Variants in WDFY3 observed in about 807,000 individuals in gnomAD.
The protein encoded by WDFY3 is WD repeat and FYVE domain containing 3, also known as WD repeat and FYVE domain-containing protein 3.
In WDFY3, 66 loss-of-function variants were observed where a neutral mutation model predicts 409.6. That is an observed-to-expected ratio of 0.16 (90% CI 0.13 to 0.20). The LOEUF (loss-of-function observed/expected upper bound fraction) is 0.20, where lower values mean the gene tolerates loss of function less well. Among genes scored for constraint, WDFY3 ranks in the 10% least tolerant of loss-of-function variants. The pLI, the probability that WDFY3 is intolerant of heterozygous loss-of-function variation, is 1.00. For missense variants in WDFY3, 3,031 were observed against 4,298.1 expected, an observed-to-expected ratio of 0.71 and a Z score of 8.24; for synonymous variants, 1,521 against 1,537.1, an observed-to-expected ratio of 0.99 and a Z score of 0.25.
At position 84,679,023 on chromosome 4, in the gene WDFY3, A is replaced by G. The variant is rs751629717; in HGVS notation, c.10043T>C (p.Phe3348Ser). The change falls in exon 65 of 68, where the codon TTT (phenylalanine) becomes TCT (serine). Residue 3348 changes from phenylalanine (F) to serine (S), a missense_variant. Coordinates refer to ENST00000295888, the MANE Select transcript of WDFY3 (RefSeq NM_014991.6). ...LSLDEKDGFI[F>S]VNYSEGQTRA... is the part of the protein sequence containing the mutation. ...GGTCTGGCCCTCTGAATAGTTCACA[A>G]ATATGAAGCCGTCTTTCTCATCTAG... 7 of 1,614,228 alleles carry G rather than the reference A, an allele frequency of 4.3e-6. No homozygotes were observed. The highest frequency in any genetic ancestry group is 5.9e-6 in the Non-Finnish European group (7 of 1,180,042).
intron 64 of WDFY3, among the ~76,000 whole-genome samples, chr4:84,681,309 G>A (rs774656468): frequency 2.9e-4 from 44 of 152,040 alleles, no homozygotes; most frequent in Non-Finnish European, 5.4e-4. Context: ...GCTTTTTAAG[G>A]GAAAGGAAAA....
chr4:84,917,133 G>A (rs115074970), intron 2 of WDFY3, among the ~76,000 whole-genome samples: 1,948 of 152,172 alleles, frequency 0.013, 20 homozygotes, highest in Non-Finnish European at 0.017. Context: ...ATCAATCGGC[G>A]CCAAGCCCTC....
chr4:84,777,199 C>G (rs571609507), intron 27 of WDFY3, among the ~76,000 whole-genome samples: 1 of 152,068 alleles, frequency 6.6e-6, no homozygotes, highest in East Asian at 1.9e-4. Flanking sequence ...GTTGGTGGGA[C>G]AGTGCTGACT....
chr4:84,755,164 A>C (rs1741223280), intron 34 of WDFY3, 102 bp downstream of exon 34: 1 of 1,483,262 alleles, frequency 6.7e-7, no homozygotes, highest in Non-Finnish European at 9.1e-7. Context: ...GAGATCATGC[A>C]GTAAATAAAG....
At chr4:84,850,812 A>C (rs1758810894) in intron 4 of WDFY3, among the ~76,000 whole-genome samples, 1 of 152,054 alleles carries the variant, frequency 6.6e-6, no homozygotes, top group African/African-American at 2.4e-5. Context: ...CAAGGCTGTT[A>C]CCAAAAAAAC....
intron 3 of WDFY3, among the ~76,000 whole-genome samples, chr4:84,868,428 G>T (rs1342161410): frequency 2.0e-5 from 3 of 151,922 alleles, no homozygotes; most frequent in Admixed American, 6.6e-5. Context: ...TCCTGAATTA[G>T]AATTTAAAAT....
rs780582990 is a variant in WDFY3 at position 84,787,584 on chromosome 4, G to A, written c.3799C>T (p.Pro1267Ser). The A allele has an allele frequency of 3.1e-6, 5 of 1,614,130 alleles. No homozygotes were observed. In the Admixed American group the frequency reaches 8.3e-5, roughly 27 times the overall value. The change falls in exon 23 of 68, where the codon CCC becomes TCC. Residue 1267 changes from proline (P) to serine (S), a missense_variant. Coordinates refer to ENST00000295888, the MANE Select transcript of WDFY3 (RefSeq NM_014991.6). Reference protein sequence around the residue: ...QIASLVWRLGPTHFLEEVLPS... With the variant: ...QIASLVWRLGSTHFLEEVLPS... ...AAAACTTCTTCTAGAAAATGTGTGG[G>A]TCCCAGGCGCCAAACCAATGAGGCA...
At position 84,782,959 on chromosome 4, in the gene WDFY3, T is replaced by C. The variant is rs1304358124; in HGVS notation, c.4174+4A>G. The C allele has an allele frequency of 1.9e-6, 3 of 1,610,380 alleles. No homozygotes were observed. Among genetic ancestry groups the C allele is most frequent in the Non-Finnish European group, 2.5e-6 (3 of 1,179,108 alleles). ...TTTGAAACAACAAAGATAAGTCCAC[T>C]CACCCAAGTATCCAATCAGAGCGGC... On this transcript the variant is annotated splice_donor_region_variant and intron_variant, in intron 25 of 67. Coordinates refer to ENST00000295888, the MANE Select transcript of WDFY3 (RefSeq NM_014991.6).
chr4:84,718,733 A>G (rs1485063824), intron 47 of WDFY3, among the ~76,000 whole-genome samples, 163 bp from the exon 48 acceptor site: 1 of 152,218 alleles, frequency 6.6e-6, no homozygotes, highest in Non-Finnish European at 1.5e-5. Flanking sequence ...TGACTAGAGT[A>G]AAACTAAACA....
At chr4:84,839,959 T>C (rs555249150) in intron 6 of WDFY3, among the ~76,000 whole-genome samples, 2 of 152,118 alleles carry the variant, frequency 1.3e-5, no homozygotes, top group Admixed American at 6.5e-5. Context: ...GATAATTACT[T>C]TGGGTTACTG....
intron 1 of WDFY3, among the ~76,000 whole-genome samples, chr4:84,943,728 C>A (rs1215637601): frequency 2.6e-5 from 4 of 152,086 alleles, no homozygotes; most frequent in East Asian, 1.9e-4. Flanking sequence ...ACAAAAAAAA[C>A]TGCTCTTTAA....
chr4:84,756,277 A>G (rs1048611913), intron 33 of WDFY3, among the ~76,000 whole-genome samples: 6 of 152,040 alleles, frequency 3.9e-5, no homozygotes, highest in African/African-American at 1.4e-4. Context: ...TTCATTTTTA[A>G]TTCTGCAGAA....
At position 84,690,576 on chromosome 4, in the gene WDFY3, G is replaced by A; in HGVS notation, c.9293C>T (p.Thr3098Ile). ...CTCCCACACACACACAACCGTGCTT[G>A]TTCCACCCGTGATGACCAGCTTGGG... ...PNPKLVITGG[T>I]STVVCVWEMG... The change falls in exon 61 of 68, where the codon ACA becomes ATA. Residue 3098 changes from threonine to isoleucine, a missense_variant. Transcript: ENST00000295888. The A allele has an allele frequency of 1.2e-6, 2 of 1,614,118 alleles. No homozygotes were observed. Among genetic ancestry groups the A allele is most frequent in the Middle Eastern group, 1.6e-4 (1 of 6,062 alleles).
intron 15 of WDFY3, among the ~76,000 whole-genome samples, chr4:84,806,611 C>A (rs1751549445): frequency 6.6e-6 from 1 of 152,044 alleles, no homozygotes; most frequent in South Asian, 2.1e-4. Flanking sequence ...ATAGAAAGTT[C>A]TGATGTATTT....
intron 63 of WDFY3, 24 bp downstream of exon 63, chr4:84,683,919 G>A (rs2148797344): frequency 1.3e-6 from 2 of 1,559,294 alleles, no homozygotes; most frequent in Non-Finnish European, 1.8e-6. Context: ...ATATCCTAAT[G>A]AGTTTTTCTC....
chr4:84,750,949 C>T (rs1366009197), intron 36 of WDFY3, among the ~76,000 whole-genome samples: 2 of 152,184 alleles, frequency 1.3e-5, no homozygotes, highest in Non-Finnish European at 2.9e-5. Flanking sequence ...AACAGTAATA[C>T]CTGGCAATGA....
chr4:84,721,175 G>C lies in WDFY3; in HGVS notation c.7605+234C>G, dbSNP rs16995917. ...TGTGGTATAGAGGAAGAAAGAATTA[G>C]ATGCCAGTTGTTAACACTGTATCTG... On this transcript the variant is annotated intron_variant, in intron 47 of 67. Coordinates refer to ENST00000295888, the MANE Select transcript of WDFY3 (RefSeq NM_014991.6). 0.13 allele frequency among the ~76,000 whole-genome samples: 19,440 copies of C among 152,214 alleles called. 1,713 individuals are homozygous for C. The highest frequency in any genetic ancestry group is 0.24 in the African/African-American group (10,127 of 41,508).
rs370227137 is a variant in WDFY3, at chr4:84,762,096, G to A, written c.5188+3714C>T. Among the ~76,000 whole-genome samples, 348 of 152,110 alleles carry A rather than the reference G, an allele frequency of 2.3e-3. 2 individuals carry two copies. Among genetic ancestry groups the A allele is most frequent in the African/African-American group, 7.5e-3 (312 of 41,492 alleles). On this transcript the variant is annotated intron_variant, in intron 32 of 67. Transcript: ENST00000295888. ...TAGAACTAGAAATACCATTTGACCC[G>A]GCCATCCCATTACTGGGTATATACC...
chr4:84,809,836 A>C, intron 14 of WDFY3, 51 bp downstream of exon 14: 3 of 1,487,420 alleles, frequency 2.0e-6, no homozygotes, highest in Non-Finnish European at 2.7e-6. Context: ...TTAATGTTGA[A>C]GTCATGCTTA....
Sources: allele counts gnomAD v4.1 joint callset (sites outside exome capture counted in the v4.1 genomes callset), GRCh38; gene constraint gnomAD v4.1.1; transcripts MANE v1.5; gene names NCBI Gene and HGNC (gene_info 2026-07-23, HGNC 2026-07-21).